ATRNL1: variants seen among roughly 807,000 people sequenced by gnomAD.
ATRNL1 encodes attractin like 1, also known as attractin-like protein 1.
A neutral mutation model predicts 182.7 loss-of-function variants in ATRNL1; 95 were observed. The ratio of observed to expected loss-of-function variants is 0.52; its 90% CI spans 0.44 to 0.62. The LOEUF (loss-of-function observed/expected upper bound fraction) is 0.62, where lower values mean the gene tolerates loss of function less well. ATRNL1 is among the 20% of genes least tolerant of loss of function. The pLI is 0.00. For missense variants in ATRNL1, 1,471 were observed against 1,679.5 expected (o/e 0.88, Z 2.17); for synonymous variants, 576 against 568.3 (o/e 1.01, Z -0.19).
intron 8 of ATRNL1, among the ~76,000 whole-genome samples, chr10:115,197,402 T>G (rs1848401939): frequency 6.6e-6 from 1 of 152,156 alleles, no homozygotes; most frequent in African/African-American, 2.4e-5. Flanking sequence ...TGTTTCATCT[T>G]TTTTAAGAGT....
At chr10:115,286,997 G>A (rs1852650784) in intron 15 of ATRNL1, among the ~76,000 whole-genome samples, 1 of 151,876 alleles carries the variant, frequency 6.6e-6, no homozygotes, top group Admixed American at 6.6e-5. Flanking sequence ...TATTACATAA[G>A]GGGTATGATA....
intron 26 of ATRNL1, among the ~76,000 whole-genome samples, chr10:115,644,511 G>A (rs1162927671): frequency 6.6e-6 from 1 of 152,164 alleles, no homozygotes. Flanking sequence ...TTTGGATTCA[G>A]ATCTATTCCA....
rs189720152 is a variant in ATRNL1 at position 115,360,998 on chromosome 10, T to C, written c.3175+26579T>C. ...CCACATGCTGTCATCATGCTCTTAATAGGGATGCTCACAATGAACCTTTGG... is the reference window on the plus strand; with the variant it reads ...CCACATGCTGTCATCATGCTCTTAACAGGGATGCTCACAATGAACCTTTGG... On this transcript the variant is annotated intron_variant, in intron 19 of 28. Transcript: ENST00000355044. Among the ~76,000 whole-genome samples the C allele has an allele frequency of 1.4e-3, 211 of 152,034 alleles. 2 individuals are homozygous for C. The highest frequency in any genetic ancestry group is 1.9e-3 in the Non-Finnish European group (128 of 67,886).
At chr10:115,480,732 A>G (rs1261216485) in intron 24 of ATRNL1, among the ~76,000 whole-genome samples, 2 of 151,094 alleles carry the variant, frequency 1.3e-5, no homozygotes, top group African/African-American at 4.8e-5. Flanking sequence ...CACTACATTG[A>G]CAGAATTGAG....
At chr10:115,147,655 A>G (rs1234705771) in intron 5 of ATRNL1, among the ~76,000 whole-genome samples, 1 of 151,996 alleles carries the variant, frequency 6.6e-6, no homozygotes, top group Admixed American at 6.6e-5. Context: ...ATATGGTGAG[A>G]GATAAGGGGT....
intron 26 of ATRNL1, among the ~76,000 whole-genome samples, chr10:115,652,073 A>G (rs1188492145): frequency 1.3e-5 from 2 of 152,126 alleles, no homozygotes; most frequent in African/African-American, 4.8e-5. Context: ...GGATTGTAGT[A>G]AATTTATGCT....
intron 9 of ATRNL1, among the ~76,000 whole-genome samples, chr10:115,218,809 A>G (rs1554896769): frequency 1.3e-5 from 2 of 152,156 alleles, no homozygotes; most frequent in African/African-American, 4.8e-5. Context: ...AAGTTTTGCA[A>G]CCCATTCTGT....
chr10:115,124,484 A>T (rs1844878216), intron 3 of ATRNL1, among the ~76,000 whole-genome samples: 1 of 152,120 alleles, frequency 6.6e-6, no homozygotes, highest in Non-Finnish European at 1.5e-5. Flanking sequence ...AGGGAAGCTC[A>T]TCTGAGCTTC....
rs554614356 is a variant in ATRNL1 at position 115,480,178 on chromosome 10, T to C, written c.3654+10849T>C. ...CTATACAATTTTATCACAAATAAAT[T>C]AGCATTTTCAACATAGATGAGTCAT... On this transcript the variant is annotated intron_variant, in intron 24 of 28. Transcript: ENST00000355044. Among the ~76,000 whole-genome samples, 12 of 149,412 alleles carry C rather than the reference T, an allele frequency of 8.0e-5. 1 individual carries two copies. The South Asian group carries it at 2.3e-3, about 29-fold the overall frequency.
chr10:115,251,854 T>C (rs1176486998), intron 10 of ATRNL1, among the ~76,000 whole-genome samples: 1 of 152,176 alleles, frequency 6.6e-6, no homozygotes, highest in Non-Finnish European at 1.5e-5. Flanking sequence ...TGTGGCATCC[T>C]TGTCAGAAAG....
At chr10:115,893,592 T>C (rs1206617460) in intron 28 of ATRNL1, among the ~76,000 whole-genome samples, 2 of 152,162 alleles carry the variant, frequency 1.3e-5, no homozygotes, top group Non-Finnish European at 2.9e-5. Context: ...CTACTGAGCA[T>C]GTTGATGGGT....
intron 19 of ATRNL1, among the ~76,000 whole-genome samples, chr10:115,346,314 G>A (rs983531051): frequency 2.0e-5 from 3 of 152,076 alleles, no homozygotes; most frequent in African/African-American, 7.2e-5. Flanking sequence ...TTCTGTTTCT[G>A]TGAATTTGAT....
intron 26 of ATRNL1, among the ~76,000 whole-genome samples, chr10:115,611,781 G>A (rs1462502044): frequency 6.6e-6 from 1 of 152,080 alleles, no homozygotes; most frequent in Non-Finnish European, 1.5e-5. Context: ...ATCAAGGCCA[G>A]TAATGTAGGG....
At chr10:115,522,131 T>C (rs1307242358) in intron 25 of ATRNL1, among the ~76,000 whole-genome samples, 1 of 152,218 alleles carries the variant, frequency 6.6e-6, no homozygotes, top group Non-Finnish European at 1.5e-5. Flanking sequence ...GCTCTGTTCT[T>C]AATGTTTTAT....
intron 20 of ATRNL1, 73 bp from the exon 21 acceptor site, chr10:115,426,177 T>G: frequency 8.1e-7 from 1 of 1,229,362 alleles, no homozygotes; most frequent in Non-Finnish European, 1.2e-6. Flanking sequence ...ATAAATACTT[T>G]TTTGCTTGAA....
Position 115,093,476 on chromosome 10 carries a change from C to T in ATRNL1, c.-275C>T, listed in dbSNP as rs2084927508. On this transcript the variant is annotated 5_prime_UTR_variant, in exon 1 of 29. Coordinates refer to ENST00000355044, the MANE Select transcript of ATRNL1 (RefSeq NM_207303.4). This position sits in a 1 kb window ranked among gnomAD's most constrained non-coding sequence, Gnocchi z 6.1. The stretch of plus-strand genomic sequence containing the variant: ...GTCTGCGCCTCCCGCTCCCCGCCTC[C>T]GGCCGGGTCCGGGACGCCGCGGCTG... 6 of 603,392 alleles carry T rather than the reference C, an allele frequency of 9.9e-6. No individual in the cohort carries two copies. Among genetic ancestry groups the T allele is most frequent in the Non-Finnish European group, 1.8e-5 (6 of 331,632 alleles). 37.4% of individuals were successfully genotyped at this position (603,392 alleles called of 1,614,324 possible). A position where few individuals can be genotyped will look rare whatever the true frequency, so the allele number is the denominator to read the frequency against.
chr10:115,425,842 G>A (rs1301696338), intron 20 of ATRNL1, among the ~76,000 whole-genome samples: 2 of 152,064 alleles, frequency 1.3e-5, no homozygotes, highest in African/African-American at 4.8e-5. Flanking sequence ...AATACCACAA[G>A]TGTGAAAATA....
At chr10:115,300,882 T>G (rs2133976329) in intron 16 of ATRNL1, among the ~76,000 whole-genome samples, 1 of 152,252 alleles carries the variant, frequency 6.6e-6, no homozygotes, top group Non-Finnish European at 1.5e-5. Context: ...CATTAAACAA[T>G]AACTCTCCAT....
intron 9 of ATRNL1, among the ~76,000 whole-genome samples, chr10:115,230,913 G>GAGAGAGAGAAAGAGAGAGAA (rs1248477177): frequency 6.8e-5 from 8 of 117,604 alleles, no homozygotes; most frequent in African/African-American, 2.1e-4. Context: ...GAGAGAGAGA[G>GAGAGAGAGAAAGAGAGAGAA]AGAGAGAGAA....
Sources: allele counts gnomAD v4.1 joint callset (sites outside exome capture counted in the v4.1 genomes callset), GRCh38; gene constraint gnomAD v4.1.1; non-coding constraint Gnocchi (gnomAD v3.1); transcripts MANE v1.5; gene names NCBI Gene and HGNC (gene_info 2026-07-23, HGNC 2026-07-21).